The following MDFIC variants were observed in gnomAD, a reference collection of about 807,000 sequenced individuals.
The protein encoded by MDFIC is MyoD family inhibitor domain containing.
A neutral mutation model predicts 23.2 loss-of-function variants in MDFIC; 17 were observed. The observed-to-expected ratio is 0.73, with a 90% CI of 0.50 to 1.10. The LOEUF (loss-of-function observed/expected upper bound fraction) is 1.10. Among genes scored for constraint, MDFIC ranks in the 50% least tolerant of loss-of-function variants. The probability of loss-of-function intolerance (pLI) is 0.00; values close to 1 mark genes in which losing one functional copy is unlikely to be tolerated. For synonymous variants in MDFIC, 120 were observed against 115.2 expected, an observed-to-expected ratio of 1.04 and a Z score of -0.27; for missense variants, 356 against 316.6, an observed-to-expected ratio of 1.12 and a Z score of -0.95.
At position 114,922,134 on chromosome 7, in the gene MDFIC, G is replaced by A. The variant is rs897080771; in HGVS notation, c.-610G>A. The A allele has an allele frequency of 9.1e-6, 3 of 329,628 alleles. No homozygotes were observed. The highest frequency in any genetic ancestry group is 9.8e-5 in the Admixed American group (2 of 20,340). The allele number at this position is 329,628 out of a possible 1,614,324, so 20.4% of individuals were successfully genotyped here. A position where few individuals can be genotyped will look rare whatever the true frequency, so the allele number is the denominator to read the frequency against. ...CCAGCCCCGGGAGGGCGCAGCGCCC[G>A]GGTGGGGAGCCCGAGCCAGCCCAGG... On this transcript the variant is annotated 5_prime_UTR_variant, in exon 1 of 5. Coordinates refer to ENST00000393486, the MANE Select transcript of MDFIC (RefSeq NM_001166345.3).
chr7:114,951,544 T>C (rs933821389), intron 3 of MDFIC, among the ~76,000 whole-genome samples: 1 of 152,228 alleles, frequency 6.6e-6, no homozygotes, highest in African/African-American at 2.4e-5. Context: ...TTTTTCTTAA[T>C]GCAAGATATA....
chr7:114,999,467 C>A (rs1279436066), intron 4 of MDFIC, among the ~76,000 whole-genome samples: 4 of 151,824 alleles, frequency 2.6e-5, no homozygotes, highest in African/African-American at 7.3e-5. Context: ...CCCTGACTCC[C>A]AAAACTAACT....
At chr7:114,985,851 G>A (rs767488851) in intron 4 of MDFIC, among the ~76,000 whole-genome samples, 35 of 151,210 alleles carry the variant, frequency 2.3e-4, no homozygotes, top group Non-Finnish European at 4.4e-4. Context: ...AGGTCTATAT[G>A]ATTTATCTAA....
At chr7:114,957,460 A>G (rs181040711) in intron 3 of MDFIC, among the ~76,000 whole-genome samples, 1 of 152,286 alleles carries the variant, frequency 6.6e-6, no homozygotes, top group East Asian at 1.9e-4. Context: ...GGCATAAAGC[A>G]AAGTCTCTTA....
rs569025655 is a variant in MDFIC, at chr7:115,008,001, A to G, written c.494-7687A>G. 1.8e-4 allele frequency among the ~76,000 whole-genome samples: 27 copies of G among 151,406 alleles called. No homozygotes were observed. The South Asian group carries it at 4.2e-3, about 23-fold the overall frequency. ...GAATGAACTACCGCACCCCAGCCTA[A>G]CTTCCTAGACTTTGTAAAATGCATC... On this transcript the variant is annotated intron_variant, in intron 4 of 4. Coordinates refer to ENST00000393486, the MANE Select transcript of MDFIC (RefSeq NM_001166345.3).
chr7:114,979,873 C>T (rs1381172295), intron 4 of MDFIC, 92 bp downstream of exon 4: 1 of 1,411,970 alleles, frequency 7.1e-7, no homozygotes, highest in African/African-American at 1.4e-5. Context: ...ATTGAAGAAT[C>T]TTGCTTATCC....
chr7:114,926,752 G>A (rs1028865425), intron 2 of MDFIC, among the ~76,000 whole-genome samples: 52 of 152,172 alleles, frequency 3.4e-4, no homozygotes, highest in African/African-American at 1.2e-3. Context: ...TGATTTAGAA[G>A]CTTAGCTGAG....
At chr7:114,987,301 A>T (rs1238636053) in intron 4 of MDFIC, among the ~76,000 whole-genome samples, 1 of 152,118 alleles carries the variant, frequency 6.6e-6, no homozygotes, top group African/African-American at 2.4e-5. Flanking sequence ...TCTTACATTA[A>T]TTTTTTCCCA....
chr7:114,964,636 C>T (rs1181707158), intron 3 of MDFIC, among the ~76,000 whole-genome samples: 7 of 151,986 alleles, frequency 4.6e-5, no homozygotes, highest in Admixed American at 3.3e-4. Flanking sequence ...CTGCAACCTC[C>T]GCCTCCTGAG....
chr7:114,925,998 T>C (rs1374339293), intron 2 of MDFIC, among the ~76,000 whole-genome samples: 1 of 152,224 alleles, frequency 6.6e-6, no homozygotes, highest in Admixed American at 6.5e-5. Flanking sequence ...CATGTCTTGA[T>C]AGGTGAAAAG....
chr7:115,007,082 T>C (rs1190807900), intron 4 of MDFIC, among the ~76,000 whole-genome samples: 1 of 152,208 alleles, frequency 6.6e-6, no homozygotes, highest in Non-Finnish European at 1.5e-5. Flanking sequence ...AAATTCTGTT[T>C]CTTAGAGTTG....
chr7:114,933,103 A>G (rs1792350635), intron 2 of MDFIC, among the ~76,000 whole-genome samples: 2 of 152,196 alleles, frequency 1.3e-5, no homozygotes, highest in Non-Finnish European at 2.9e-5. Flanking sequence ...GCTTGAGACT[A>G]AAAATGTTCT....
At chr7:114,971,302 G>A (rs961394207) in intron 3 of MDFIC, among the ~76,000 whole-genome samples, 5 of 152,096 alleles carry the variant, frequency 3.3e-5, no homozygotes, top group African/African-American at 1.2e-4. Context: ...TCCCATTCTT[G>A]CCTTTACTTA....
chr7:114,926,738 G>A (rs1378550739), intron 2 of MDFIC, among the ~76,000 whole-genome samples: 1 of 152,164 alleles, frequency 6.6e-6, no homozygotes, highest in African/African-American at 2.4e-5. Context: ...CATAAGAAGA[G>A]CTTTGATTTA....
Position 114,923,110 on chromosome 7 carries a change from T to C in MDFIC, c.77T>C (p.Leu26Pro). Residue 26 changes from leucine (L) to proline (P), a missense_variant, in exon 2 of 5, where the codon CTG becomes CCG. Coordinates refer to ENST00000393486, the MANE Select transcript of MDFIC (RefSeq NM_001166345.3). ...GTGGCCGAGGCGGGCGGCGGCCAGC[T>C]GGGCTCCACAGCCCAGGGTGAGTGC... The part of the protein sequence containing the change: ...QRVAEAGGGQ[L>P]GSTAQGKCDK... The C allele has an allele frequency of 1.4e-6, 2 of 1,471,250 alleles. No homozygotes were observed. The highest frequency in any genetic ancestry group is 9.0e-7 in the Non-Finnish European group (1 of 1,114,908). 91.1% of individuals were successfully genotyped at this position (1,471,250 alleles called of 1,614,324 possible). A position where few individuals can be genotyped will look rare whatever the true frequency, so the allele number is the denominator to read the frequency against.
chr7:114,953,626 G>A (rs1364474924), intron 3 of MDFIC, among the ~76,000 whole-genome samples: 4 of 152,148 alleles, frequency 2.6e-5, no homozygotes, highest in South Asian at 4.1e-4. Context: ...GACTCTTTAT[G>A]CCTTCTGCTC....
rs1206317403 is a variant in MDFIC, at chr7:115,016,223, C to T, written c.*288C>T. On this transcript the variant is annotated 3_prime_UTR_variant, in exon 5 of 5. Transcript: ENST00000393486. Reference sequence around the variant, plus strand: ...ATGTTAAATGCCTTCTCCTTTTTACCGATATTTCTGTTTCTTTTAACCGTT... The same window carrying T: ...ATGTTAAATGCCTTCTCCTTTTTACTGATATTTCTGTTTCTTTTAACCGTT... 7 of 328,082 alleles carry T rather than the reference C, an allele frequency of 2.1e-5. No individual in the cohort carries two copies. The highest frequency in any genetic ancestry group is 4.3e-5 in the African/African-American group (2 of 46,422). 20.3% of individuals were successfully genotyped at this position (328,082 alleles called of 1,614,324 possible).
intron 3 of MDFIC, among the ~76,000 whole-genome samples, chr7:114,966,919 A>G (rs1793107857): frequency 1.3e-5 from 2 of 152,148 alleles, no homozygotes; most frequent in Admixed American, 1.3e-4. Flanking sequence ...CTTCTTAGTG[A>G]TGTTAAGGGA....
At chr7:115,003,904 C>T (rs55672808) in intron 4 of MDFIC, among the ~76,000 whole-genome samples, 42,788 of 152,008 alleles carry the variant, frequency 0.28, 6,271 homozygotes, top group Middle Eastern at 0.36. Context: ...TTTGTGCCTC[C>T]GTTTTTCATC....
Sources: allele counts gnomAD v4.1 joint callset (sites outside exome capture counted in the v4.1 genomes callset), GRCh38; gene constraint gnomAD v4.1.1; transcripts MANE v1.5; gene names NCBI Gene and HGNC (gene_info 2026-07-23, HGNC 2026-07-21).